The following KCNH8 variants were observed in gnomAD, a reference collection of about 807,000 sequenced individuals.
KCNH8 encodes potassium voltage-gated channel subfamily H member 8.
Under a neutral mutation model 103.6 loss-of-function variants are expected in KCNH8, and 70 were observed. The ratio of observed to expected loss-of-function variants is 0.68; its 90% CI spans 0.56 to 0.82. KCNH8 has a LOEUF of 0.82. Ranked by LOEUF, KCNH8 falls within the 40% of genes least tolerant of loss-of-function variation. The probability of loss-of-function intolerance (pLI) is 0.00; values close to 1 mark genes in which losing one functional copy is unlikely to be tolerated. For missense variants in KCNH8, 1,217 were observed against 1,329.9 expected, an observed-to-expected ratio of 0.92 and a Z score of 1.32; for synonymous variants, 498 against 489.4, an observed-to-expected ratio of 1.02 and a Z score of -0.23.
intron 1 of KCNH8, among the ~76,000 whole-genome samples, chr3:19,174,297 C>A (rs1489895026): frequency 6.6e-6 from 1 of 152,074 alleles, no homozygotes; most frequent in African/African-American, 2.4e-5. Context: ...TTTTATTTTT[C>A]TGAATATTTT....
At chr3:19,255,924 G>A (rs1266516743) in intron 2 of KCNH8, among the ~76,000 whole-genome samples, 2 of 152,142 alleles carry the variant, frequency 1.3e-5, no homozygotes, top group African/African-American at 4.8e-5. Flanking sequence ...TATGTTTACA[G>A]ATCCACTTTC....
chr3:19,473,209 T>G (rs996528088), intron 11 of KCNH8, among the ~76,000 whole-genome samples: 1 of 152,258 alleles, frequency 6.6e-6, no homozygotes, highest in African/African-American at 2.4e-5. Flanking sequence ...TGGGTTAGTC[T>G]TCTTCTGATT....
chr3:19,246,867 A>G (rs1467838177), intron 1 of KCNH8, among the ~76,000 whole-genome samples: 2 of 152,096 alleles, frequency 1.3e-5, no homozygotes, highest in Non-Finnish European at 2.9e-5. Context: ...GCCCACGACT[A>G]TGCACCCAAT....
intron 15 of KCNH8, among the ~76,000 whole-genome samples, chr3:19,525,191 A>G (rs1054094086): frequency 6.6e-6 from 1 of 151,888 alleles, no homozygotes; most frequent in Admixed American, 6.6e-5. Context: ...ACATAAATAT[A>G]TATTATTTTT....
rs1429292844 is a variant in KCNH8 at position 19,409,836 on chromosome 3, G to A, written c.1177+14525G>A. Among the ~76,000 whole-genome samples, 6 of 152,094 alleles carry A rather than the reference G, an allele frequency of 3.9e-5. No individual in the cohort carries two copies. The East Asian group carries it at 1.2e-3, about 29-fold the overall frequency. On this transcript the variant is annotated intron_variant, in intron 7 of 15. Transcript: ENST00000328405. Reference sequence around the variant, plus strand: ...AAGAAGACTTGACTATCATAAGTATGTACACACCAAACACAGGAGCACCCA... The same window carrying A: ...AAGAAGACTTGACTATCATAAGTATATACACACCAAACACAGGAGCACCCA...
chr3:19,416,581 T>G (rs2066866489), intron 7 of KCNH8, among the ~76,000 whole-genome samples: 1 of 152,172 alleles, frequency 6.6e-6, no homozygotes, highest in African/African-American at 2.4e-5. Flanking sequence ...TGTTTTGTAA[T>G]TTTTAAAAAA....
intron 3 of KCNH8, among the ~76,000 whole-genome samples, chr3:19,313,405 G>A (rs2065231442): frequency 6.6e-6 from 1 of 151,792 alleles, no homozygotes; most frequent in Admixed American, 6.6e-5. Context: ...AATTTTTCCA[G>A]CTACAGTATA....
chr3:19,340,271 G>A (rs138718555), intron 3 of KCNH8, among the ~76,000 whole-genome samples: 2 of 151,860 alleles, frequency 1.3e-5, no homozygotes, highest in East Asian at 3.9e-4. Context: ...ATTTTATGAT[G>A]AAGCTTAAAT....
At chr3:19,237,000 T>C (rs1006433384) in intron 1 of KCNH8, among the ~76,000 whole-genome samples, 2 of 152,268 alleles carry the variant, frequency 1.3e-5, no homozygotes, top group Non-Finnish European at 2.9e-5. Flanking sequence ...TTATCTGTAG[T>C]ATAAAATGGT....
intron 7 of KCNH8, among the ~76,000 whole-genome samples, chr3:19,436,143 C>T (rs1457461480): frequency 6.6e-6 from 1 of 151,916 alleles, no homozygotes; most frequent in Non-Finnish European, 1.5e-5. Context: ...ATTTCATAAA[C>T]CTATTGTATT....
intron 7 of KCNH8, among the ~76,000 whole-genome samples, chr3:19,427,359 A>C (rs1196774498): frequency 6.6e-6 from 1 of 152,204 alleles, no homozygotes; most frequent in Non-Finnish European, 1.5e-5. Context: ...TATAGTTGCC[A>C]AATAATGGAT....
At chr3:19,299,052 T>C (rs1230227767) in intron 3 of KCNH8, among the ~76,000 whole-genome samples, 1 of 151,936 alleles carries the variant, frequency 6.6e-6, no homozygotes, top group East Asian at 1.9e-4. Flanking sequence ...GGAGGTCCAA[T>C]TGAAGACACC....
intron 5 of KCNH8, among the ~76,000 whole-genome samples, chr3:19,380,953 A>C (rs1044841942): frequency 1.3e-5 from 2 of 152,230 alleles, no homozygotes; most frequent in East Asian, 3.8e-4. Context: ...AATGTGCTTA[A>C]GTGAGAATCT....
chr3:19,296,205 G>A (rs1242486216), intron 3 of KCNH8, among the ~76,000 whole-genome samples: 1 of 152,106 alleles, frequency 6.6e-6, no homozygotes, highest in Non-Finnish European at 1.5e-5. Context: ...ATATTATATA[G>A]CATTTAAATT....
chr3:19,312,962 A>G (rs988188929), intron 3 of KCNH8, among the ~76,000 whole-genome samples: 3 of 151,912 alleles, frequency 2.0e-5, no homozygotes, highest in Non-Finnish European at 2.9e-5. Flanking sequence ...TCAGAATTGG[A>G]TAAGTTCTAG....
chr3:19,175,322 C>T (rs979686118), intron 1 of KCNH8, among the ~76,000 whole-genome samples: 3 of 151,080 alleles, frequency 2.0e-5, no homozygotes, highest in Non-Finnish European at 4.4e-5. Context: ...CCCGGGTTCA[C>T]GCCATTCTCC....
intron 11 of KCNH8, among the ~76,000 whole-genome samples, chr3:19,466,075 C>T (rs957729815): frequency 6.6e-6 from 1 of 152,026 alleles, no homozygotes; most frequent in East Asian, 1.9e-4. Flanking sequence ...CGGGCATGCA[C>T]CACCACACCC....
intron 1 of KCNH8, among the ~76,000 whole-genome samples, chr3:19,211,857 C>T (rs1314507048): frequency 2.6e-5 from 4 of 152,076 alleles, no homozygotes; most frequent in Non-Finnish European, 5.9e-5. Context: ...AAACCTTAGG[C>T]AACTTAAGGA....
chr3:19,419,206 T>TTG (rs1559318912), intron 7 of KCNH8, among the ~76,000 whole-genome samples: 1 of 141,446 alleles, frequency 7.1e-6, no homozygotes, highest in African/African-American at 2.6e-5. Flanking sequence ...TTTTTTTTTT[T>TTG]TTTTTTTTTT....
Sources: allele counts gnomAD v4.1 joint callset (sites outside exome capture counted in the v4.1 genomes callset), GRCh38; gene constraint gnomAD v4.1.1; transcripts MANE v1.5; gene names NCBI Gene and HGNC (gene_info 2026-07-23, HGNC 2026-07-21).